IL1RAPL1: variants seen among roughly 807,000 people sequenced by gnomAD.
IL1RAPL1 encodes interleukin-1 receptor accessory protein-like 1.
A neutral mutation model predicts 48.4 loss-of-function variants in IL1RAPL1; 3 were observed. The ratio of observed to expected loss-of-function variants is 0.06; its 90% CI spans 0.03 to 0.16. The LOEUF (loss-of-function observed/expected upper bound fraction) is 0.16, where lower values mean the gene tolerates loss of function less well. IL1RAPL1 is among the 10% of genes least tolerant of loss of function. The probability of loss-of-function intolerance (pLI) is 1.00; values close to 1 mark genes in which losing one functional copy is unlikely to be tolerated. For missense variants in IL1RAPL1, 349 were observed against 530.6 expected (o/e 0.66, Z 3.36); for synonymous variants, 185 against 187.7 (o/e 0.99, Z 0.12).
intron 1 of IL1RAPL1, among the ~76,000 whole-genome samples, chrX:28,588,804 TATA>T (rs1439732021): frequency 8.9e-6 from 1 of 112,211 alleles, no homozygotes; most frequent in Admixed American, 9.5e-5. Context: ...TGCCCAATAA[TATA>T]ATTATTTACC....
intron 6 of IL1RAPL1, among the ~76,000 whole-genome samples, chrX:29,827,790 G>T (rs965406551): frequency 2.7e-5 from 3 of 112,264 alleles, no homozygotes; most frequent in East Asian, 2.8e-4. Context: ...TCCCTCATAG[G>T]ATTGTTATGA....
chrX:28,906,499 A>C (rs1601953335), intron 2 of IL1RAPL1, among the ~76,000 whole-genome samples: 1 of 111,930 alleles, frequency 8.9e-6, no homozygotes, highest in Admixed American at 9.5e-5. Context: ...TAGATGAGTT[A>C]AGAGTGAAAT....
Position 28,804,010 on chromosome X carries a change from A to G in IL1RAPL1, c.82+14585A>G, listed in dbSNP as rs1022541548. Among the ~76,000 whole-genome samples the G allele has an allele frequency of 2.7e-5, 3 of 112,238 alleles. No individual in the cohort carries two copies. The Admixed American group carries it at 2.8e-4, about 11-fold the overall frequency. On this transcript the variant is annotated intron_variant, in intron 2 of 10. Coordinates refer to ENST00000378993, the MANE Select transcript of IL1RAPL1 (RefSeq NM_014271.4). ...TGATCATTCTTAGTTTTCTATACCTATGAATCATATCCTGAAAATTGTTTA... is the reference window on the plus strand; with the variant it reads ...TGATCATTCTTAGTTTTCTATACCTGTGAATCATATCCTGAAAATTGTTTA...
intron 3 of IL1RAPL1, among the ~76,000 whole-genome samples, chrX:29,364,249 C>T (rs1933415309): frequency 9.0e-6 from 1 of 111,203 alleles, no homozygotes; most frequent in Non-Finnish European, 1.9e-5. Context: ...TCCATGGATT[C>T]AGTCAACCAC....
At chrX:29,826,437 A>G (rs977381537) in intron 6 of IL1RAPL1, among the ~76,000 whole-genome samples, 5 of 111,730 alleles carry the variant, frequency 4.5e-5, no homozygotes, top group Admixed American at 9.5e-5. Flanking sequence ...AAAGTGTTCA[A>G]TTATTTATAG....
chrX:29,846,725 A>G (rs1410347554), intron 6 of IL1RAPL1, among the ~76,000 whole-genome samples: 3 of 106,260 alleles, frequency 2.8e-5, no homozygotes, highest in Non-Finnish European at 5.8e-5. Flanking sequence ...TTGTATAGCC[A>G]TTAATCAAAG....
chrX:29,137,012 A>G (rs17333873), intron 2 of IL1RAPL1, among the ~76,000 whole-genome samples: 1,404 of 111,161 alleles, frequency 0.013, 58 homozygotes, highest in East Asian at 0.1. Context: ...GTACTAGGCT[A>G]TGTGAAAGAA....
chrX:29,931,932 A>G (rs780980650), intron 8 of IL1RAPL1, among the ~76,000 whole-genome samples: 171 of 112,738 alleles, frequency 1.5e-3, no homozygotes, highest in African/African-American at 5.5e-3. Context: ...ATGACATGTT[A>G]AGAAGGAAAT....
chrX:29,064,613 G>T (rs1602039035), intron 2 of IL1RAPL1, among the ~76,000 whole-genome samples: 1 of 110,913 alleles, frequency 9.0e-6, no homozygotes, highest in South Asian at 3.8e-4. Context: ...ATGGAGTCTC[G>T]CTCTGTCGTC....
rs35163237 is a variant in IL1RAPL1 at position 29,939,861 on chromosome X, ATTTTTTT to A, written c.1058-1777_1058-1771del. 1.0e-4 allele frequency among the ~76,000 whole-genome samples: 9 copies of A among 90,032 alleles called. No homozygotes were observed. The South Asian group carries it at 4.4e-3, about 44-fold the overall frequency. 78.2% of individuals were successfully genotyped at this position (90,032 alleles called of 115,157 possible). A position where few individuals can be genotyped will look rare whatever the true frequency, so the allele number is the denominator to read the frequency against. ...TAGGTAATAGGAAATATGAATGAGG[ATTTTTTT>A]TTTTTTTTTTTTGAGACGGAGTCTC... is the stretch of plus-strand genomic sequence containing the variant. On this transcript the variant is annotated intron_variant, in intron 8 of 10. Coordinates refer to ENST00000378993, the MANE Select transcript of IL1RAPL1 (RefSeq NM_014271.4).
intron 5 of IL1RAPL1, among the ~76,000 whole-genome samples, chrX:29,540,585 A>G (rs760227989): frequency 1.8e-5 from 2 of 111,978 alleles, no homozygotes; most frequent in South Asian, 3.7e-4. Flanking sequence ...GATCAGACAC[A>G]TAGACCAATG....
At chrX:29,188,253 A>G (rs899513766) in intron 2 of IL1RAPL1, among the ~76,000 whole-genome samples, 3 of 111,924 alleles carry the variant, frequency 2.7e-5, no homozygotes, top group Non-Finnish European at 5.6e-5. Flanking sequence ...TTTGACTGGC[A>G]GGATAGGACT....
chrX:28,976,486 A>G (rs903341518), intron 2 of IL1RAPL1, among the ~76,000 whole-genome samples: 1 of 111,939 alleles, frequency 8.9e-6, no homozygotes, highest in Non-Finnish European at 1.9e-5. Flanking sequence ...GAGATGGGAA[A>G]AACTGCAGAA....
intron 1 of IL1RAPL1, among the ~76,000 whole-genome samples, chrX:28,702,312 T>A (rs924014913): frequency 4.5e-5 from 5 of 112,065 alleles, no homozygotes; most frequent in Admixed American, 1.9e-4. Context: ...TATTCATAAA[T>A]TGTATATAAT....
At chrX:28,925,337 A>T (rs1923714222) in intron 2 of IL1RAPL1, among the ~76,000 whole-genome samples, 1 of 111,856 alleles carries the variant, frequency 8.9e-6, no homozygotes, top group African/African-American at 3.3e-5. Context: ...GAACTAAATC[A>T]TTCGTGATAC....
intron 2 of IL1RAPL1, among the ~76,000 whole-genome samples, chrX:29,061,591 T>TGGTATTACAGGTGCCC (rs2147433592): frequency 9.0e-6 from 1 of 111,612 alleles, no homozygotes; most frequent in South Asian, 3.8e-4. Context: ...CCCAGGTAGC[T>TGGTATTACAGGTGCCC]GGTATTACAG....
intron 1 of IL1RAPL1, among the ~76,000 whole-genome samples, chrX:28,766,000 G>A (rs990325756): frequency 1.8e-5 from 2 of 111,500 alleles, no homozygotes; most frequent in Non-Finnish European, 3.8e-5. Flanking sequence ...CACCACCAAA[G>A]TGTAGCATGT....
At chrX:29,838,464 A>G (rs1931064118) in intron 6 of IL1RAPL1, among the ~76,000 whole-genome samples, 1 of 112,133 alleles carries the variant, frequency 8.9e-6, no homozygotes, top group African/African-American at 3.2e-5. Flanking sequence ...ATTTGGATCC[A>G]TATCTCATAA....
intron 1 of IL1RAPL1, among the ~76,000 whole-genome samples, chrX:28,779,157 G>T (rs1256380927): frequency 9.0e-6 from 1 of 111,322 alleles, no homozygotes; most frequent in African/African-American, 3.3e-5. Flanking sequence ...GCAAGCATCG[G>T]CTAGTGCCAG....
Sources: allele counts gnomAD v4.1 joint callset (sites outside exome capture counted in the v4.1 genomes callset), GRCh38; gene constraint gnomAD v4.1.1; transcripts MANE v1.5; gene names NCBI Gene and HGNC (gene_info 2026-07-23, HGNC 2026-07-21).